YAF2: variants seen among roughly 807,000 people sequenced by gnomAD.
YAF2 encodes the protein YY1-associated factor 2.
Under a neutral mutation model 20.1 loss-of-function variants are expected in YAF2, and 7 were observed. That is an observed-to-expected ratio of 0.35 (90% CI 0.20 to 0.65). The LOEUF is 0.65. Among genes scored for constraint, YAF2 ranks in the 30% least tolerant of loss-of-function variants. The probability of loss-of-function intolerance (pLI) is 0.69; values close to 1 mark genes in which losing one functional copy is unlikely to be tolerated. For missense variants in YAF2, 151 were observed against 219.2 expected, an observed-to-expected ratio of 0.69 and a Z score of 1.96; for synonymous variants, 74 against 76.0, an observed-to-expected ratio of 0.97 and a Z score of 0.14.
intron 2 of YAF2, chr12:42,235,569 G>C (rs1029112551): frequency 7.1e-7 from 1 of 1,399,760 alleles, no homozygotes; most frequent in Non-Finnish European, 9.3e-7. Context: ...AGAATTCAGA[G>C]AGAGGAAGGA....
At chr12:42,223,807 T>G (rs10880272) in intron 2 of YAF2, among the ~76,000 whole-genome samples, 50,597 of 142,024 alleles carry the variant, frequency 0.36, 8,919 homozygotes, top group South Asian at 0.48. Flanking sequence ...TTCTCACTCA[T>G]AAGTGGGAGT....
At chr12:42,216,988 A>G (rs1478159331) in intron 2 of YAF2, among the ~76,000 whole-genome samples, 1 of 152,198 alleles carries the variant, frequency 6.6e-6, no homozygotes, top group Admixed American at 6.5e-5. Context: ...AAACACATCT[A>G]TAATACATTC....
At chr12:42,194,401 C>A (rs1030082871) in intron 2 of YAF2, among the ~76,000 whole-genome samples, 1 of 152,026 alleles carries the variant, frequency 6.6e-6, no homozygotes, top group Non-Finnish European at 1.5e-5. Flanking sequence ...CCTAACAGTT[C>A]GGGAGGCTGA....
chr12:42,183,259 C>G (rs1244821936), intron 2 of YAF2, among the ~76,000 whole-genome samples: 2 of 152,036 alleles, frequency 1.3e-5, no homozygotes, highest in South Asian at 2.1e-4. Context: ...TTTGGCCAAT[C>G]AATAACTCAA....
At chr12:42,165,835 T>C (rs990899395) in intron 2 of YAF2, among the ~76,000 whole-genome samples, 5 of 147,194 alleles carry the variant, frequency 3.4e-5, no homozygotes, top group African/African-American at 1.3e-4. Context: ...TGCCTAATCC[T>C]ATGAACATTC....
At position 42,230,101 on chromosome 12, in the gene YAF2, A is replaced by T. The variant is rs540001118; in HGVS notation, c.152+7498T>A. On this transcript the variant is annotated intron_variant, in intron 2 of 3. Coordinates refer to ENST00000534854, the MANE Select transcript of YAF2 (RefSeq NM_005748.6). ...GTGAAACCCTGTCTCTACTAAAAATAAAAAAATTAGCTAGGTATGGTGGCA... is the reference window on the plus strand; with the variant it reads ...GTGAAACCCTGTCTCTACTAAAAATTAAAAAATTAGCTAGGTATGGTGGCA... 3.3e-5 allele frequency among the ~76,000 whole-genome samples: 5 copies of T among 152,168 alleles called. No individual in the cohort carries two copies. In the South Asian group the frequency reaches 6.2e-4, roughly 19 times the overall value.
chr12:42,162,083 A>C (rs1040604747), intron 2 of YAF2, among the ~76,000 whole-genome samples: 7 of 152,208 alleles, frequency 4.6e-5, no homozygotes, highest in Admixed American at 3.9e-4. Context: ...TACCCATATA[A>C]ACATGAGTTC....
intron 2 of YAF2, among the ~76,000 whole-genome samples, chr12:42,212,949 G>A (rs1483756263): frequency 1.3e-5 from 2 of 152,202 alleles, no homozygotes; most frequent in African/African-American, 4.8e-5. Flanking sequence ...AGTCACTGGA[G>A]TAAGTACATA....
At chr12:42,171,393 C>T (rs2066043878) in intron 2 of YAF2, among the ~76,000 whole-genome samples, 1 of 151,548 alleles carries the variant, frequency 6.6e-6, no homozygotes, top group Non-Finnish European at 1.5e-5. Context: ...GAGGCTGAGG[C>T]AGGAGGATCA....
chr12:42,201,468 T>C (rs1360269431), intron 2 of YAF2, among the ~76,000 whole-genome samples: 1 of 152,274 alleles, frequency 6.6e-6, no homozygotes, highest in Non-Finnish European at 1.5e-5. Flanking sequence ...GTGTATCATC[T>C]TATTCTTTTG....
chr12:42,226,901 C>T (rs2067720590), intron 2 of YAF2, among the ~76,000 whole-genome samples: 3 of 150,414 alleles, frequency 2.0e-5, no homozygotes, highest in African/African-American at 4.8e-5. Context: ...GGGCTGGGGT[C>T]GGTGGCTTAG....
rs373800249 is a variant in YAF2, at chr12:42,181,494, G to A, written c.153-19729C>T. ...CTGTGGCTCTTTGAATAACTGCTCC[G>A]GGAACAGCTTACTGCAGTATTCTCA... On this transcript the variant is annotated intron_variant, in intron 2 of 3. Transcript: ENST00000534854. Among the ~76,000 whole-genome samples, 5 of 152,130 alleles carry A rather than the reference G, an allele frequency of 3.3e-5. No homozygotes were observed. In the East Asian group the frequency reaches 5.8e-4, roughly 18 times the overall value.
At chr12:42,236,029 C>T in intron 2 of YAF2, 5 of 1,533,888 alleles carry the variant, frequency 3.3e-6, no homozygotes, top group Non-Finnish European at 4.4e-6. Flanking sequence ...CTTCTAGTTT[C>T]AGTATTTTTC....
At chr12:42,232,380 T>C (rs2068008378) in intron 2 of YAF2, 2 of 935,010 alleles carry the variant, frequency 2.1e-6, no homozygotes, top group Non-Finnish European at 1.3e-6. Context: ...TCTCAGGGAC[T>C]CTCAGTGTCC....
At chr12:42,210,495 T>C (rs2067176218) in intron 2 of YAF2, 2 of 1,535,778 alleles carry the variant, frequency 1.3e-6, no homozygotes, top group Non-Finnish European at 8.7e-7. Flanking sequence ...TAAGAAAGTT[T>C]GGGGGAGGGG....
chr12:42,179,548 T>C (rs1346654031), intron 2 of YAF2, among the ~76,000 whole-genome samples: 1 of 151,906 alleles, frequency 6.6e-6, no homozygotes, highest in Non-Finnish European at 1.5e-5. Context: ...TTTCTAAAAA[T>C]AGAAATTGAG....
intron 2 of YAF2, among the ~76,000 whole-genome samples, chr12:42,224,376 A>G (rs956299223): frequency 6.7e-6 from 1 of 149,046 alleles, no homozygotes; most frequent in African/African-American, 2.6e-5. Flanking sequence ...AGAATACAAT[A>G]TATTTCTTTT....
chr12:42,159,890 A>G lies in YAF2; in HGVS notation c.*699T>C, dbSNP rs1311950893. The G allele has an allele frequency of 1.3e-5, 2 of 152,570 alleles. No individual in the cohort carries two copies. The highest frequency in any genetic ancestry group is 2.4e-5 in the African/African-American group (1 of 41,462). 9.5% of individuals were successfully genotyped at this position (152,570 alleles called of 1,614,324 possible). A position where few individuals can be genotyped will look rare whatever the true frequency, so the allele number is the denominator to read the frequency against. On this transcript the variant is annotated 3_prime_UTR_variant, in exon 4 of 4. Transcript: ENST00000534854. ...CTAAACCTGAATTATAAAGCTAAATAATCAATGTTTTATTGTTTACTAGTC... is the reference window on the plus strand; with the variant it reads ...CTAAACCTGAATTATAAAGCTAAATGATCAATGTTTTATTGTTTACTAGTC...
At chr12:42,169,503 T>C (rs1434977373) in intron 2 of YAF2, among the ~76,000 whole-genome samples, 4 of 151,988 alleles carry the variant, frequency 2.6e-5, no homozygotes, top group Non-Finnish European at 5.9e-5. Flanking sequence ...AGCCTCTGCC[T>C]CCTGGGCTCA....
Sources: allele counts gnomAD v4.1 joint callset (sites outside exome capture counted in the v4.1 genomes callset), GRCh38; gene constraint gnomAD v4.1.1; transcripts MANE v1.5; gene names NCBI Gene and HGNC (gene_info 2026-07-23, HGNC 2026-07-21).